RBFOX2: variants seen among roughly 807,000 people sequenced by gnomAD.
The protein encoded by RBFOX2 is RNA binding protein fox-1 homolog 2.
In RBFOX2, 10 loss-of-function variants were observed where a neutral mutation model predicts 49.1. That is an observed-to-expected ratio of 0.20 (90% CI 0.13 to 0.35). The LOEUF (loss-of-function observed/expected upper bound fraction) is 0.35. RBFOX2 is among the 10% of genes least tolerant of loss of function. The pLI, the probability that RBFOX2 is intolerant of heterozygous loss-of-function variation, is 1.00. For missense variants in RBFOX2, 323 were observed against 486.9 expected (o/e 0.66, Z 3.17); for synonymous variants, 183 against 187.4 (o/e 0.98, Z 0.19).
At chr22:35,983,413 C>CT (rs1214278315) in intron 1 of RBFOX2, among the ~76,000 whole-genome samples, 2 of 152,120 alleles carry the variant, frequency 1.3e-5, no homozygotes, top group Admixed American at 6.6e-5. Context: ...CTAAGATTGT[C>CT]TCAGTTTAGA....
Position 35,898,392 on chromosome 22 carries a change from C to T in RBFOX2, c.-34+40455G>A, listed in dbSNP as rs892664381. ...AGGGCCCAGACAACCCGGGATTGTG[C>T]AGCGGCCGCCATCTTCTCCCACAAT... On this transcript the variant is annotated intron_variant, in intron 1 of 13. Transcript: ENST00000359369. The T allele has an allele frequency of 3.2e-5, 17 of 535,790 alleles. 1 individual carries two copies. Among genetic ancestry groups the T allele is most frequent in the South Asian group, 2.3e-4 (11 of 48,540 alleles). 33.2% of individuals were successfully genotyped at this position (535,790 alleles called of 1,614,324 possible).
rs2059125379 is a variant in RBFOX2, at chr22:36,018,475, T to C, written c.186+9765A>G. The stretch of plus-strand genomic sequence containing the variant: ...ACATGCTAAGAAAACTATAAGCCAC[T>C]GGACATGGACTTGGAGGTGGAATGT... On this transcript the variant is annotated intron_variant, in intron 1 of 13. Coordinates refer to the RBFOX2 transcript ENST00000438146. Among the ~76,000 whole-genome samples the C allele has an allele frequency of 2.0e-5, 3 of 152,196 alleles. 1 individual carries two copies. The highest frequency in any genetic ancestry group is 2.0e-4 in the Admixed American group (3 of 15,292).
chr22:35,780,399 T>C (rs1321090210), intron 3 of RBFOX2, among the ~76,000 whole-genome samples: 1 of 151,664 alleles, frequency 6.6e-6, no homozygotes, highest in Non-Finnish European at 1.5e-5. Context: ...CTATTGATTA[T>C]CTCTGGGTTA....
chr22:35,950,279 C>T (rs1027609948), intron 1 of RBFOX2, among the ~76,000 whole-genome samples: 11 of 151,596 alleles, frequency 7.3e-5, no homozygotes, highest in African/African-American at 1.7e-4. Context: ...CCTTTTTTGC[C>T]GGCTGTGTGA....
chr22:35,989,435 T>C (rs556725493), intron 1 of RBFOX2, among the ~76,000 whole-genome samples: 12 of 151,904 alleles, frequency 7.9e-5, no homozygotes, highest in East Asian at 3.9e-4. Flanking sequence ...GGAATATTCA[T>C]TGGATGTAGT....
chr22:35,817,868 C>G (rs2097246033), intron 1 of RBFOX2, among the ~76,000 whole-genome samples: 1 of 151,946 alleles, frequency 6.6e-6, no homozygotes, highest in Non-Finnish European at 1.5e-5. Context: ...ATAAATGACA[C>G]AAGCTGGTAT....
chr22:35,996,956 C>T lies in RBFOX2; in HGVS notation c.186+31284G>A, dbSNP rs563806255. 2.6e-5 allele frequency: 4 copies of T among 152,302 alleles called. No individual in the cohort carries two copies. The South Asian group carries it at 8.3e-4, about 32-fold the overall frequency. The allele number at this position is 152,302 out of a possible 1,614,324, so 9.4% of individuals were successfully genotyped here. A position where few individuals can be genotyped will look rare whatever the true frequency, so the allele number is the denominator to read the frequency against. Reference sequence around the variant, plus strand: ...GTCCTGAAGAAAATGGTGACTGACACCACAAGTCCAGATACTGTGGTAAAA... The same window carrying T: ...GTCCTGAAGAAAATGGTGACTGACATCACAAGTCCAGATACTGTGGTAAAA... On this transcript the variant is annotated intron_variant, in intron 1 of 13. Transcript: ENST00000438146.
At chr22:35,791,515 G>A (rs1947652645) in intron 2 of RBFOX2, among the ~76,000 whole-genome samples, 5 of 151,880 alleles carry the variant, frequency 3.3e-5, no homozygotes, top group Admixed American at 3.3e-4. Flanking sequence ...TTTATGTTTT[G>A]TATTCAAAAT....
chr22:35,898,494 C>T (rs959309735), intron 1 of RBFOX2: 8 of 312,580 alleles, frequency 2.6e-5, no homozygotes, highest in East Asian at 1.5e-4. Flanking sequence ...GGCGTGATCT[C>T]GACTCATCGC....
intron 1 of RBFOX2, among the ~76,000 whole-genome samples, chr22:35,851,609 T>C (rs2041946265): frequency 6.6e-6 from 1 of 152,088 alleles, no homozygotes; most frequent in Admixed American, 6.6e-5. Context: ...GGGGGATCAC[T>C]TGAGGTCAGG....
chr22:35,781,888 C>T, intron 2 of RBFOX2, 142 bp from the exon 4 acceptor site: 1 of 872,688 alleles, frequency 1.1e-6, no homozygotes. Context: ...GCAACAACAA[C>T]AGCAGCAACA....
intron 1 of RBFOX2, among the ~76,000 whole-genome samples, chr22:35,832,072 T>C (rs1258336860): frequency 2.0e-5 from 3 of 152,240 alleles, no homozygotes; most frequent in Non-Finnish European, 4.4e-5. Flanking sequence ...CAATGAGCTA[T>C]ACAAACTGAC....
intron 1 of RBFOX2, among the ~76,000 whole-genome samples, chr22:35,929,661 G>GT (rs956832876): frequency 3.2e-4 from 48 of 151,114 alleles, no homozygotes; most frequent in South Asian, 4.2e-4. Flanking sequence ...CATTTTTTTT[G>GT]TTTTTTTTGA....
chr22:35,761,993 A>T, intron 6 of RBFOX2, among the ~76,000 whole-genome samples: 1 of 152,174 alleles, frequency 6.6e-6, no homozygotes, highest in Admixed American at 6.5e-5. Flanking sequence ...ATCCACTTTT[A>T]CTCGGATTTA....
intron 1 of RBFOX2, among the ~76,000 whole-genome samples, chr22:35,920,738 T>C (rs136614): frequency 0.12 from 18,513 of 152,216 alleles, 1,455 homozygotes; most frequent in Middle Eastern, 0.25. Context: ...TTGGCAGCCA[T>C]GAAATGATGC....
At chr22:35,856,394 T>TTC (rs1204978525) in intron 1 of RBFOX2, among the ~76,000 whole-genome samples, 1 of 152,200 alleles carries the variant, frequency 6.6e-6, no homozygotes, top group Non-Finnish European at 1.5e-5. Context: ...TCCTGTTTTC[T>TTC]TCTCTCTTTT....
intron 1 of RBFOX2, among the ~76,000 whole-genome samples, chr22:35,953,743 T>C (rs1023593654): frequency 6.6e-6 from 1 of 152,212 alleles, no homozygotes; most frequent in Non-Finnish European, 1.5e-5. Context: ...CTGTTGTTAT[T>C]TGAATAAGTA....
At position 35,818,120 on chromosome 22, in the gene RBFOX2, A is replaced by G. The variant is rs995859027; in HGVS notation, c.28-8116T>C. ...ACAAAGTCATTCAAACCTATAGTCTATTAGGTGAAAAGCAACAAACCCTGT... is the reference window on the plus strand; with the variant it reads ...ACAAAGTCATTCAAACCTATAGTCTGTTAGGTGAAAAGCAACAAACCCTGT... On this transcript the variant is annotated intron_variant, in intron 1 of 11. Transcript: ENST00000405409. Among the ~76,000 whole-genome samples, 5 of 152,228 alleles carry G rather than the reference A, an allele frequency of 3.3e-5. No individual in the cohort carries two copies. In the East Asian group the frequency reaches 9.6e-4, roughly 29 times the overall value.
intron 1 of RBFOX2, chr22:35,821,913 G>T (rs775754517): frequency 5.8e-6 from 3 of 519,040 alleles, no homozygotes; most frequent in Admixed American, 3.9e-5. Flanking sequence ...CAGGAAATGG[G>T]AGGAAACCAT....
Sources: gnomAD v4.1 joint callset for allele counts (sites outside exome capture counted in the v4.1 genomes callset) on GRCh38, gnomAD v4.1.1 for gene constraint, MANE v1.5 for transcripts, NCBI Gene and HGNC (gene_info 2026-07-23, HGNC 2026-07-21) for gene names.